The following SPACA9 variants were observed in gnomAD, a reference collection of about 807,000 sequenced individuals.
SPACA9 encodes the protein sperm acrosome-associated protein 9.
A neutral mutation model predicts 12.5 loss-of-function variants in SPACA9; 14 were observed. The observed-to-expected ratio is 1.12, with a 90% confidence interval of 0.74 to 1.75. The LOEUF (loss-of-function observed/expected upper bound fraction) is 1.75, where lower values mean the gene tolerates loss of function less well. Among genes scored for constraint, SPACA9 ranks in the 40% most tolerant of loss-of-function variants. The pLI is 0.00. For synonymous variants in SPACA9, 111 were observed against 114.1 expected, an observed-to-expected ratio of 0.97 and a Z score of 0.17; for missense variants, 292 against 291.9, an observed-to-expected ratio of 1.00 and a Z score of 0.00.
In SPACA9 at chr9:132,887,955, GCA is replaced by G. The variant is rs1396579698; in HGVS notation, c.348-332_348-331del. 6.6e-6 allele frequency among the ~76,000 whole-genome samples: 1 copy of G among 152,156 alleles called. No individual in the cohort carries two copies. The highest frequency in any genetic ancestry group is 1.5e-5 in the Non-Finnish European group (1 of 68,026). On this transcript the variant is annotated intron_variant, in intron 3 of 3. Coordinates refer to ENST00000356311, the MANE Select transcript of SPACA9 (RefSeq NM_001316897.2). The surrounding 1 kb of genome is among the most constrained non-coding windows in gnomAD (Gnocchi z 5.4). Reference sequence around the variant, plus strand: ...CATCCTGACAGCCCGGGAGCCTGCAGCACAGTGGGCCAGAGCCTGGGGAAGCT... The same window carrying G: ...CATCCTGACAGCCCGGGAGCCTGCAGCAGTGGGCCAGAGCCTGGGGAAGCT...
chr9:132,879,850 T>C (rs1426973148), intron 1 of SPACA9, among the ~76,000 whole-genome samples: 2 of 152,240 alleles, frequency 1.3e-5, no homozygotes, highest in Non-Finnish European at 2.9e-5. Flanking sequence ...ACTGGTTAGA[T>C]TGGGCAGAGC....
At position 132,888,669 on chromosome 9, in the gene SPACA9, GT is replaced by G; in HGVS notation, c.*60del. 1 of 1,471,228 alleles carries G rather than the reference GT, an allele frequency of 6.8e-7. No individual in the cohort carries two copies. 91.1% of individuals were successfully genotyped at this position (1,471,228 alleles called of 1,614,324 possible). A position where few individuals can be genotyped will look rare whatever the true frequency, so the allele number is the denominator to read the frequency against. On this transcript the variant is annotated 3_prime_UTR_variant, in exon 4 of 4. Coordinates refer to ENST00000356311, the MANE Select transcript of SPACA9 (RefSeq NM_001316897.2). The surrounding 1 kb of genome is among the most constrained non-coding windows in gnomAD (Gnocchi z 5.0). ...TTGCTGTTTAATTTGGATTTTACTG[GT>G]TGGTCCTTTTTTCACTGGTACCCAT...
intron 1 of SPACA9, among the ~76,000 whole-genome samples, chr9:132,880,903 A>G (rs1844403448): frequency 6.6e-6 from 1 of 151,026 alleles, no homozygotes; most frequent in African/African-American, 2.4e-5. Flanking sequence ...GCTCACTGCA[A>G]GCTCCGCCTC....
At chr9:132,881,281 A>G (rs1844419622) in intron 1 of SPACA9, among the ~76,000 whole-genome samples, 1 of 145,286 alleles carries the variant, frequency 6.9e-6, no homozygotes, top group Admixed American at 6.8e-5. Context: ...AGAAAAAAAA[A>G]AAAGAAAAAA....
chr9:132,880,878 A>G (rs1337115234), intron 1 of SPACA9, among the ~76,000 whole-genome samples: 1 of 145,288 alleles, frequency 6.9e-6, no homozygotes, highest in Non-Finnish European at 1.5e-5. Context: ...GCTGGAGTGC[A>G]GTGGCGCCAT....
At position 132,884,098 on chromosome 9, in the gene SPACA9, C is replaced by A; in HGVS notation, c.144+7C>A. Reference sequence around the variant, plus strand: ...CATCTCCAGCATTGGACAGGTGGGGCTCCCGACCCCCACCCCGGCCGAGGG... The same window carrying A: ...CATCTCCAGCATTGGACAGGTGGGGATCCCGACCCCCACCCCGGCCGAGGG... On this transcript the variant is annotated splice_region_variant and intron_variant, in intron 2 of 3. Coordinates refer to ENST00000356311, the MANE Select transcript of SPACA9 (RefSeq NM_001316897.2). 6.2e-7 allele frequency: 1 copy of A among 1,609,260 alleles called. No individual in the cohort carries two copies. Among genetic ancestry groups the A allele is most frequent in the Non-Finnish European group, 8.5e-7 (1 of 1,176,034 alleles).
chr9:132,882,807 T>C (rs1844463397), intron 1 of SPACA9, among the ~76,000 whole-genome samples: 1 of 152,142 alleles, frequency 6.6e-6, no homozygotes, highest in African/African-American at 2.4e-5. Flanking sequence ...GCCTTTGTTC[T>C]GGAGGCAGTG....
At position 132,888,068 on chromosome 9, in the gene SPACA9, G is replaced by A. The variant is rs1223732027; in HGVS notation, c.348-222G>A. The stretch of plus-strand genomic sequence containing the variant: ...CCAGGTTTCTACGGACCATGGGGCA[G>A]TGGTTTGCATCTCCTGTCTTTCACA... On this transcript the variant is annotated intron_variant, in intron 3 of 3. Coordinates refer to ENST00000356311, the MANE Select transcript of SPACA9 (RefSeq NM_001316897.2). This position sits in a 1 kb window ranked among gnomAD's most constrained non-coding sequence, Gnocchi z 5.0. Among the ~76,000 whole-genome samples, 2 of 152,328 alleles carry A rather than the reference G, an allele frequency of 1.3e-5. No individual in the cohort carries two copies. The highest frequency in any genetic ancestry group is 3.9e-4 in the East Asian group (2 of 5,168).
rs1253790082 is a variant in SPACA9, at chr9:132,888,567, G to A, written c.625G>A (p.Gly209Arg). Residue 209 changes from glycine to arginine, a missense_variant, in exon 4 of 4, where the codon GGA becomes AGA. Gly to Arg is a moderately radical substitution (Grantham distance 125). Transcript: ENST00000356311. The surrounding 1 kb of genome is among the most constrained non-coding windows in gnomAD (Gnocchi z 5.0). ...CACAAAAGCCAGCCTCAAACCCAGG[G>A]GATGTTCAAAACCACCCTGGAGGCC... The part of the protein sequence containing the change: ...QLTKASLKPR[G>R]CSKPPWRPPG... 2.6e-6 allele frequency: 4 copies of A among 1,550,440 alleles called. No homozygotes were observed. The highest frequency in any genetic ancestry group is 2.7e-5 in the African/African-American group (2 of 73,008).
intron 1 of SPACA9, among the ~76,000 whole-genome samples, chr9:132,882,785 C>T (rs1404979275): frequency 2.6e-5 from 4 of 152,078 alleles, no homozygotes; most frequent in African/African-American, 7.2e-5. Flanking sequence ...TGTGGTGACA[C>T]GTTCGAGCCT....
chr9:132,879,675 A>T (rs1206318828), intron 1 of SPACA9, among the ~76,000 whole-genome samples: 2 of 152,214 alleles, frequency 1.3e-5, no homozygotes, highest in Admixed American at 1.3e-4. Flanking sequence ...TGGCTGGGTA[A>T]CTTTGGGTGA....
At position 132,884,081 on chromosome 9, in the gene SPACA9, G is replaced by A; in HGVS notation, c.134G>A (p.Ser45Asn). ...NAHDKIRPIS[S>N]IGQVQSYMEH... ...CACGACAAGATCCGGCCCATCTCCAGCATTGGACAGGTGGGGCTCCCGACC... is the reference window on the plus strand; with the variant it reads ...CACGACAAGATCCGGCCCATCTCCAACATTGGACAGGTGGGGCTCCCGACC... The change falls in exon 2 of 4, where the codon AGC becomes AAC. Residue 45 changes from serine (S) to asparagine (N), a missense_variant. Transcript: ENST00000356311. 6.2e-7 allele frequency: 1 copy of A among 1,613,536 alleles called. No homozygotes were observed.
At position 132,887,328 on chromosome 9, in the gene SPACA9, G is replaced by A. The variant is rs1458708194; in HGVS notation, c.145-41G>A. On this transcript the variant is annotated intron_variant, in intron 2 of 3. Transcript: ENST00000356311. The surrounding 1 kb of genome is among the most constrained non-coding windows in gnomAD (Gnocchi z 5.4). ...TGCACCATAAGCCAGCCAGGACCCG[G>A]GTTGGCATGTCCCCAGCTCATGTGG... 6.3e-7 allele frequency: 1 copy of A among 1,586,410 alleles called. No homozygotes were observed. Among genetic ancestry groups the A allele is most frequent in the Admixed American group, 1.7e-5 (1 of 59,960 alleles).
At position 132,889,568 on chromosome 9, in the gene SPACA9, G is replaced by A; in HGVS notation, c.*957G>A. 2.7e-6 allele frequency: 1 copy of A among 363,812 alleles called. No individual in the cohort carries two copies. Among genetic ancestry groups the A allele is most frequent in the Non-Finnish European group, 3.8e-6 (1 of 261,970 alleles). 22.5% of individuals were successfully genotyped at this position (363,812 alleles called of 1,614,324 possible). A position where few individuals can be genotyped will look rare whatever the true frequency, so the allele number is the denominator to read the frequency against. On this transcript the variant is annotated 3_prime_UTR_variant, in exon 4 of 4. Coordinates refer to ENST00000356311, the MANE Select transcript of SPACA9 (RefSeq NM_001316897.2). ...TTACAGGCGCCCACCACCCCACCTG[G>A]CTAATTTATATATATATATATTTTT...
chr9:132,888,605 A>AT lies in SPACA9; in HGVS notation c.665dup (p.Leu222PhefsTer61). ...CACCCTGGAGGCCTCCTGGTGGGAA[A>AT]TTGTAACTCAGAGCCAGGAGCTCCG... On this transcript the variant is annotated frameshift_variant, in exon 4 of 4. Coordinates refer to ENST00000356311, the MANE Select transcript of SPACA9 (RefSeq NM_001316897.2). LOFTEE classifies it high-confidence loss of function. This position sits in a 1 kb window ranked among gnomAD's most constrained non-coding sequence, Gnocchi z 5.0. 6.5e-7 allele frequency: 1 copy of AT among 1,529,116 alleles called. No individual in the cohort carries two copies. Among genetic ancestry groups the AT allele is most frequent in the Non-Finnish European group, 8.8e-7 (1 of 1,135,638 alleles). 94.7% of individuals were successfully genotyped at this position (1,529,116 alleles called of 1,614,324 possible).
chr9:132,883,630 ACT>A (rs1355303557), intron 1 of SPACA9, among the ~76,000 whole-genome samples: 3 of 129,228 alleles, frequency 2.3e-5, no homozygotes, highest in Non-Finnish European at 5.0e-5. Flanking sequence ...AACCAGAGAA[ACT>A]CTGTCCACAG....
rs185881606 is a variant in SPACA9, at chr9:132,881,849, T to G, written c.-37-2062T>G. On this transcript the variant is annotated intron_variant, in intron 1 of 3. Transcript: ENST00000356311. Reference sequence around the variant, plus strand: ...GCCTATTTTCATCTTGATTGCCGAGTTTTTTGGCGCCTCCTTAAGTTTTGC... The same window carrying G: ...GCCTATTTTCATCTTGATTGCCGAGGTTTTTGGCGCCTCCTTAAGTTTTGC... Among the ~76,000 whole-genome samples the G allele has an allele frequency of 3.8e-3, 576 of 151,816 alleles. 3 individuals are homozygous for G. Among genetic ancestry groups the G allele is most frequent in the African/African-American group, 0.013 (546 of 41,386 alleles).
chr9:132,884,882 G>A (rs1398323528), intron 2 of SPACA9, among the ~76,000 whole-genome samples: 7 of 114,608 alleles, frequency 6.1e-5, no homozygotes, highest in Non-Finnish European at 1.2e-4. Flanking sequence ...TTGGGAGGCC[G>A]AGGCAGGTGG....
chr9:132,888,408 G>C lies in SPACA9; in HGVS notation c.466G>C (p.Glu156Gln). Residue 156 changes from glutamate to glutamine, a missense_variant, in exon 4 of 4, where the codon GAG becomes CAG. Transcript: ENST00000356311. This position sits in a 1 kb window ranked among gnomAD's most constrained non-coding sequence, Gnocchi z 5.0. ...DLMKEWIAHS[E>Q]KLPRKVLQHV... is the part of the protein sequence containing the mutation. ...AATGAAAGAATGGATCGCCCACTCC[G>C]AGAAGTTGCCGCGCAAGGTGCTGCA... 1 of 1,613,964 alleles carries C rather than the reference G, an allele frequency of 6.2e-7. No homozygotes were observed. The highest frequency in any genetic ancestry group is 2.2e-5 in the East Asian group (1 of 44,876).
Sources: gnomAD v4.1 joint callset for allele counts (sites outside exome capture counted in the v4.1 genomes callset) on GRCh38, gnomAD v4.1.1 for gene constraint, Gnocchi (gnomAD v3.1) non-coding constraint, MANE v1.5 for transcripts, NCBI Gene and HGNC (gene_info 2026-07-23, HGNC 2026-07-21) for gene names.